GIT2: variants seen among roughly 807,000 people sequenced by gnomAD.
The protein encoded by GIT2 is ARF GTPase-activating protein GIT2.
A neutral mutation model predicts 100.3 loss-of-function variants in GIT2; 32 were observed. The ratio of observed to expected loss-of-function variants is 0.32; its 90% CI spans 0.24 to 0.43. The LOEUF is 0.43. Among genes scored for constraint, GIT2 ranks in the 20% least tolerant of loss-of-function variants. The pLI is 1.00. For missense variants in GIT2, 737 were observed against 975.1 expected (o/e 0.76, Z 3.25); for synonymous variants, 353 against 364.1 (o/e 0.97, Z 0.35).
At chr12:109,984,497 A>G (rs1328351174) in intron 4 of GIT2, among the ~76,000 whole-genome samples, 1 of 151,002 alleles carries the variant, frequency 6.6e-6, no homozygotes, top group Non-Finnish European at 1.5e-5. Context: ...TCCAGGCTGG[A>G]GTGCAGTGGA....
chr12:109,950,406 C>G (rs1270867842), intron 14 of GIT2, among the ~76,000 whole-genome samples: 1 of 152,218 alleles, frequency 6.6e-6, no homozygotes, highest in Non-Finnish European at 1.5e-5. Context: ...GTGATACCCA[C>G]AAAGTCATGG....
chr12:109,957,022 A>C (rs2136336894), intron 12 of GIT2, among the ~76,000 whole-genome samples: 1 of 152,130 alleles, frequency 6.6e-6, no homozygotes, highest in Non-Finnish European at 1.5e-5. Flanking sequence ...GTCTCAAAAA[A>C]AAAAAAACAA....
chr12:109,983,873 G>A, intron 4 of GIT2, 179 bp from the exon 5 acceptor site: 1 of 555,258 alleles, frequency 1.8e-6, no homozygotes, highest in South Asian at 2.2e-5. Context: ...TGGGCTGTAA[G>A]GTGGAGTGAG....
chr12:109,935,958 T>C (rs1872843814), intron 18 of GIT2, among the ~76,000 whole-genome samples: 1 of 152,186 alleles, frequency 6.6e-6, no homozygotes, highest in African/African-American at 2.4e-5. Flanking sequence ...GTGCATAATA[T>C]GTCATAATCC....
rs1872442915 is a variant in GIT2 at position 109,934,532 on chromosome 12, C to T, written c.2004-447G>A. On this transcript the variant is annotated intron_variant, in intron 18 of 19. Coordinates refer to ENST00000355312, the MANE Select transcript of GIT2 (RefSeq NM_057169.5). This position sits in a 1 kb window ranked among gnomAD's most constrained non-coding sequence, Gnocchi z 4.5. ...AGTAGCTGGAACTTCAGGCATGCACCGCCATGCCTGGCTGATTTTTAAATA... is the reference window on the plus strand; with the variant it reads ...AGTAGCTGGAACTTCAGGCATGCACTGCCATGCCTGGCTGATTTTTAAATA... 2.0e-5 allele frequency among the ~76,000 whole-genome samples: 3 copies of T among 152,148 alleles called. No individual in the cohort carries two copies. The highest frequency in any genetic ancestry group is 2.0e-4 in the Admixed American group (3 of 15,266).
chr12:109,973,504 G>T (rs1293965746), intron 7 of GIT2, among the ~76,000 whole-genome samples: 2 of 151,906 alleles, frequency 1.3e-5, no homozygotes, highest in Non-Finnish European at 2.9e-5. Flanking sequence ...AACTCCATCT[G>T]TACACTCTCC....
intron 2 of GIT2, among the ~76,000 whole-genome samples, chr12:109,991,235 G>A (rs1405717628): frequency 6.6e-6 from 1 of 151,758 alleles, no homozygotes; most frequent in East Asian, 1.9e-4. Context: ...GCTTGAACCC[G>A]GGAGGCGGAG....
At chr12:109,938,141 T>A (rs1034154786) in intron 18 of GIT2, among the ~76,000 whole-genome samples, 2 of 152,074 alleles carry the variant, frequency 1.3e-5, no homozygotes, top group African/African-American at 4.8e-5. Context: ...CAATCCTGTT[T>A]CTAGAGGCAT....
At chr12:109,996,098 C>T in intron 1 of GIT2, 75 bp downstream of exon 1, 3 of 969,452 alleles carry the variant, frequency 3.1e-6, no homozygotes, top group Non-Finnish European at 3.0e-6. Context: ...TGCAGCCTGA[C>T]CTGAGGGGGC....
chr12:109,996,438 T>G (rs908831553), upstream of GIT2: 11 of 522,044 alleles, frequency 2.1e-5, 2 homozygotes, highest in East Asian at 3.5e-5. Flanking sequence ...CACTCTGCCT[T>G]GTCGCCATCT....
rs1160445369 is a variant in GIT2, at chr12:109,932,203, G to A, written c.*775C>T. ...TTTTGAACAAACTGTCTGGCTTACA[G>A]GGGTGAGGGAGAGCACCTGACAATG... On this transcript the variant is annotated 3_prime_UTR_variant, in exon 20 of 20. Transcript: ENST00000355312. 5 of 152,268 alleles carry A rather than the reference G, an allele frequency of 3.3e-5. No individual in the cohort carries two copies. Among genetic ancestry groups the A allele is most frequent in the Non-Finnish European group, 7.3e-5 (5 of 68,090 alleles). The allele number at this position is 152,268 out of a possible 1,614,324, so 9.4% of individuals were successfully genotyped here.
At chr12:109,953,265 G>A (rs1469896912) in intron 12 of GIT2, 31 bp from the exon 13 acceptor site, 1 of 1,605,268 alleles carries the variant, frequency 6.2e-7, no homozygotes. Context: ...CTTTACTTCA[G>A]GCTTAAAACA....
intron 16 of GIT2, chr12:109,943,113 A>G (rs1370648737): frequency 1.3e-5 from 2 of 152,210 alleles, no homozygotes; most frequent in Admixed American, 1.3e-4. Context: ...CAGGGTGATC[A>G]GTTTAAATGA....
chr12:109,959,545 G>GA (rs1396007725), intron 12 of GIT2, among the ~76,000 whole-genome samples: 2 of 152,076 alleles, frequency 1.3e-5, no homozygotes, highest in Non-Finnish European at 2.9e-5. Flanking sequence ...CCAGGGCTCA[G>GA]ACAGGTAAAC....
intron 18 of GIT2, among the ~76,000 whole-genome samples, chr12:109,935,365 T>A (rs1872689902): frequency 6.6e-6 from 1 of 152,186 alleles, no homozygotes; most frequent in Non-Finnish European, 1.5e-5. Context: ...TGTCTGTTAA[T>A]ATCACAGTGA....
intron 16 of GIT2, among the ~76,000 whole-genome samples, chr12:109,944,639 T>C (rs2136215824): frequency 6.6e-6 from 1 of 152,322 alleles, no homozygotes; most frequent in African/African-American, 2.4e-5. Context: ...TGCACTGCTA[T>C]TGAGACCATA....
intron 4 of GIT2, 43 bp downstream of exon 4, chr12:109,988,920 G>A (rs773276424): frequency 1.0e-6 from 1 of 999,662 alleles, no homozygotes; most frequent in Non-Finnish European, 1.6e-6. Flanking sequence ...ACAATATGCT[G>A]TCTCAGCCCG....
intron 16 of GIT2, among the ~76,000 whole-genome samples, chr12:109,943,493 C>T (rs555229974): frequency 2.0e-4 from 31 of 152,116 alleles, no homozygotes; most frequent in Non-Finnish European, 3.8e-4. Flanking sequence ...CGCCACCACC[C>T]GCCGCTAATT....
intron 7 of GIT2, among the ~76,000 whole-genome samples, chr12:109,971,969 G>C (rs917615807): frequency 6.6e-6 from 1 of 151,470 alleles, no homozygotes; most frequent in African/African-American, 2.4e-5. Flanking sequence ...ACTCCAGCCT[G>C]GGTGACAGAG....
Sources: gnomAD v4.1 joint callset for allele counts (sites outside exome capture counted in the v4.1 genomes callset) on GRCh38, gnomAD v4.1.1 for gene constraint, Gnocchi (gnomAD v3.1) non-coding constraint, MANE v1.5 for transcripts, NCBI Gene and HGNC (gene_info 2026-07-23, HGNC 2026-07-21) for gene names.